The following CSMD3 variants were observed in gnomAD, a reference collection of about 807,000 sequenced individuals.
The protein encoded by CSMD3 is CUB and Sushi multiple domains 3, also known as CUB and sushi domain-containing protein 3.
In CSMD3, 177 loss-of-function variants were observed where a neutral mutation model predicts 435.2. The ratio of observed to expected loss-of-function variants is 0.41; its 90% CI spans 0.36 to 0.46. The LOEUF is 0.46. Ranked by LOEUF, CSMD3 falls within the 20% of genes least tolerant of loss-of-function variation. The pLI, the probability that CSMD3 is intolerant of heterozygous loss-of-function variation, is 0.34. For synonymous variants in CSMD3, 1,656 were observed against 1,520.5 expected (o/e 1.09, Z -2.07); for missense variants, 4,265 against 4,504.6 (o/e 0.95, Z 1.52).
At chr8:113,019,021 A>C (rs775155339) in intron 6 of CSMD3, 46 bp downstream of exon 6, 1 of 1,247,762 alleles carries the variant, frequency 8.0e-7, no homozygotes, top group Admixed American at 1.7e-5. Context: ...TGTACACCAA[A>C]ATTATTTTAC....
intron 58 of CSMD3, among the ~76,000 whole-genome samples, chr8:112,282,625 T>A (rs57335921): frequency 0.029 from 4,488 of 152,152 alleles, 219 homozygotes; most frequent in African/African-American, 0.1. Context: ...GGCCAAATCG[T>A]ACTGTTGTTT....
chr8:112,304,929 A>C lies in CSMD3; in HGVS notation c.8072-14T>G. 1.2e-6 allele frequency: 2 copies of C among 1,603,874 alleles called. No homozygotes were observed. The highest frequency in any genetic ancestry group is 1.7e-6 in the Non-Finnish European group (2 of 1,172,344). ...GACATGTAACAACTATACAAAAACCAAAGGGTGTAATTGCTAACAAATCAC... is the reference window on the plus strand; with the variant it reads ...GACATGTAACAACTATACAAAAACCCAAGGGTGTAATTGCTAACAAATCAC... On this transcript the variant is annotated splice_polypyrimidine_tract_variant and intron_variant, in intron 51 of 70. Coordinates refer to ENST00000297405, the MANE Select transcript of CSMD3 (RefSeq NM_198123.2).
intron 13 of CSMD3, among the ~76,000 whole-genome samples, chr8:112,790,652 G>A (rs757042276): frequency 1.7e-4 from 26 of 151,834 alleles, no homozygotes; most frequent in Non-Finnish European, 2.5e-4. Flanking sequence ...GTTTGTAACC[G>A]ATATAACCTA....
chr8:113,333,687 A>T (rs937384576), intron 1 of CSMD3, among the ~76,000 whole-genome samples: 2 of 151,924 alleles, frequency 1.3e-5, no homozygotes, highest in Non-Finnish European at 2.9e-5. Flanking sequence ...CTACATAATA[A>T]GCTTTGAAAT....
intron 13 of CSMD3, among the ~76,000 whole-genome samples, chr8:112,750,014 G>T (rs1587169974): frequency 6.6e-6 from 1 of 152,134 alleles, no homozygotes; most frequent in East Asian, 1.9e-4. Flanking sequence ...CTGCGAGTAT[G>T]TTGAATGGAG....
chr8:112,566,832 T>A (rs1829100766), intron 24 of CSMD3, among the ~76,000 whole-genome samples: 2 of 152,118 alleles, frequency 1.3e-5, no homozygotes, highest in African/African-American at 4.8e-5. Context: ...AGCCAGCTTC[T>A]GGTGTGTTAT....
chr8:112,894,399 T>C (rs920956772), intron 10 of CSMD3, among the ~76,000 whole-genome samples: 1 of 151,280 alleles, frequency 6.6e-6, no homozygotes, highest in African/African-American at 2.4e-5. Context: ...CAATTAATAA[T>C]TGCCACAACA....
intron 4 of CSMD3, among the ~76,000 whole-genome samples, chr8:113,107,442 C>T (rs749101628): frequency 7.9e-5 from 12 of 152,306 alleles, no homozygotes; most frequent in South Asian, 2.1e-4. Context: ...CCCCAGTTTC[C>T]GCCAGGTATT....
rs1340453211 is a variant in CSMD3, at chr8:112,676,800, T to C, written c.2677+5642A>G. Among the ~76,000 whole-genome samples, 4 of 152,134 alleles carry C rather than the reference T, an allele frequency of 2.6e-5. No homozygotes were observed. In the Middle Eastern group the frequency reaches 9.5e-3, roughly 361 times the overall value. On this transcript the variant is annotated intron_variant, in intron 16 of 70. Transcript: ENST00000297405. ...CTCTAGATGACTTAGTCCTCACTGCTTGACACTTAGAAAGATAACTTTCTT... is the reference window on the plus strand; with the variant it reads ...CTCTAGATGACTTAGTCCTCACTGCCTGACACTTAGAAAGATAACTTTCTT...
At chr8:113,418,089 G>A (rs9643079) in intron 1 of CSMD3, among the ~76,000 whole-genome samples, 116,224 of 151,986 alleles carry the variant, frequency 0.76, 44,816 homozygotes, top group East Asian at 0.94. Flanking sequence ...AAGATTCAAC[G>A]GAGATATAGA....
At chr8:113,398,166 A>G (rs1475358317) in intron 1 of CSMD3, among the ~76,000 whole-genome samples, 1 of 152,132 alleles carries the variant, frequency 6.6e-6, no homozygotes, top group Admixed American at 6.5e-5. Flanking sequence ...TTCTTGTAGT[A>G]ATTTTATACT....
chr8:113,040,857 T>A (rs1165793187), intron 5 of CSMD3, among the ~76,000 whole-genome samples: 1 of 152,044 alleles, frequency 6.6e-6, no homozygotes, highest in East Asian at 1.9e-4. Context: ...AATAACTTGC[T>A]CCGCTTCTGG....
At chr8:112,994,923 C>A (rs905471606) in intron 6 of CSMD3, among the ~76,000 whole-genome samples, 2 of 151,194 alleles carry the variant, frequency 1.3e-5, no homozygotes, top group Non-Finnish European at 3.0e-5. Context: ...TTTGAAAAGA[C>A]AAAATGGTAA....
At chr8:112,682,183 C>T (rs2131782786) in intron 16 of CSMD3, among the ~76,000 whole-genome samples, 1 of 151,646 alleles carries the variant, frequency 6.6e-6, no homozygotes, top group South Asian at 2.1e-4. Flanking sequence ...CACATGTGAC[C>T]AATATTTACC....
At chr8:112,910,242 A>C (rs1250936923) in intron 10 of CSMD3, among the ~76,000 whole-genome samples, 3 of 151,714 alleles carry the variant, frequency 2.0e-5, no homozygotes, top group Admixed American at 6.6e-5. Flanking sequence ...GATGGGGATC[A>C]CTGAGCTAAA....
In CSMD3 at chr8:112,370,322, C is replaced by T. The variant is rs16883470; in HGVS notation, c.6136+10030G>A. Among the ~76,000 whole-genome samples the T allele has an allele frequency of 1.5e-3, 230 of 152,202 alleles. 1 individual carries two copies. Among genetic ancestry groups the T allele is most frequent in the African/African-American group, 5.3e-3 (222 of 41,526 alleles). On this transcript the variant is annotated intron_variant, in intron 38 of 70. Transcript: ENST00000297405. ...CCAAAAGTAGTTTAATATTCATGCA[C>T]AGAGATAATTCAAGAATGCTAATTA...
chr8:112,913,640 A>G (rs1186021166), intron 10 of CSMD3, among the ~76,000 whole-genome samples: 1 of 150,642 alleles, frequency 6.6e-6, no homozygotes, highest in South Asian at 2.1e-4. Flanking sequence ...GCTCCTCCAC[A>G]TTTCACTCAC....
At chr8:112,827,392 C>T (rs188049255) in intron 12 of CSMD3, among the ~76,000 whole-genome samples, 228 of 151,490 alleles carry the variant, frequency 1.5e-3, no homozygotes, top group Admixed American at 2.6e-3. Context: ...TGAATGAAAG[C>T]TTCTTAAAAA....
At chr8:113,101,913 A>G (rs2090341798) in intron 4 of CSMD3, among the ~76,000 whole-genome samples, 1 of 152,120 alleles carries the variant, frequency 6.6e-6, no homozygotes, top group Non-Finnish European at 1.5e-5. Flanking sequence ...ATTCAAGGCA[A>G]TATTTTAAAA....
Sources: gnomAD v4.1 joint callset for allele counts (sites outside exome capture counted in the v4.1 genomes callset) on GRCh38, gnomAD v4.1.1 for gene constraint, MANE v1.5 for transcripts, NCBI Gene and HGNC (gene_info 2026-07-23, HGNC 2026-07-21) for gene names.